THSD7A: variants seen among roughly 807,000 people sequenced by gnomAD.
THSD7A encodes the protein thrombospondin type-1 domain-containing protein 7A.
THSD7A carries 96 observed loss-of-function variants against 231.3 expected under a neutral mutation model. That is an observed-to-expected ratio of 0.41 (90% CI 0.35 to 0.49). The LOEUF is 0.49. Among genes scored for constraint, THSD7A ranks in the 20% least tolerant of loss-of-function variants. THSD7A has a pLI of 0.05. For missense variants in THSD7A, 2,290 were observed against 2,070.2 expected, an observed-to-expected ratio of 1.11 and a Z score of -2.06; for synonymous variants, 940 against 743.3, an observed-to-expected ratio of 1.26 and a Z score of -4.30.
intron 1 of THSD7A, among the ~76,000 whole-genome samples, chr7:11,750,076 AT>A (rs1782447929): frequency 6.6e-6 from 1 of 151,088 alleles, no homozygotes; most frequent in African/African-American, 2.4e-5. Context: ...GCAGGGTGGA[AT>A]CCCTTCCCAG....
chr7:11,411,127 C>T lies in THSD7A; in HGVS notation c.3798+80G>A, dbSNP rs912380246. 1.9e-6 allele frequency: 2 copies of T among 1,025,778 alleles called. No homozygotes were observed. The highest frequency in any genetic ancestry group is 3.1e-5 in the African/African-American group (2 of 63,662). 63.5% of individuals were successfully genotyped at this position (1,025,778 alleles called of 1,614,324 possible). On this transcript the variant is annotated intron_variant, in intron 19 of 27. Coordinates refer to ENST00000423059, the MANE Select transcript of THSD7A (RefSeq NM_015204.3). The surrounding 1 kb of genome is among the most constrained non-coding windows in gnomAD (Gnocchi z 4.1). ...TCTGCTGGCAATGAGCTGCATGGAGCACGGGTCACTTGGCTCAGCATGAAT... is the reference window on the plus strand; with the variant it reads ...TCTGCTGGCAATGAGCTGCATGGAGTACGGGTCACTTGGCTCAGCATGAAT...
chr7:11,476,162 A>T (rs1340405233), intron 7 of THSD7A, among the ~76,000 whole-genome samples: 3 of 152,118 alleles, frequency 2.0e-5, no homozygotes, highest in African/African-American at 7.2e-5. Flanking sequence ...TGCCAGGCTT[A>T]AGTATTAAAA....
At chr7:11,456,617 T>C (rs908673610) in intron 11 of THSD7A, among the ~76,000 whole-genome samples, 3 of 152,122 alleles carry the variant, frequency 2.0e-5, no homozygotes, top group African/African-American at 2.4e-5. Context: ...TGGGTTTAGA[T>C]CAAGGGTCAG....
In THSD7A at chr7:11,481,885, C is replaced by A; in HGVS notation, c.1920G>T (p.Trp640Cys). 1 of 1,613,776 alleles carries A rather than the reference C, an allele frequency of 6.2e-7. No homozygotes were observed. ...PCPKDCVLST[W>C]STWSSCSHTC... Reference sequence around the variant, plus strand: ...TGTGTGAGCAGGAGGACCACGTAGACCATGTGCTGAGCACACAGTCTTTCG... The same window carrying A: ...TGTGTGAGCAGGAGGACCACGTAGAACATGTGCTGAGCACACAGTCTTTCG... Residue 640 changes from tryptophan (W) to cysteine (C), a missense_variant, in exon 7 of 28, where the codon TGG becomes TGT. Physicochemically the swap from Trp to Cys is radical, Grantham distance 215. Coordinates refer to ENST00000423059, the MANE Select transcript of THSD7A (RefSeq NM_015204.3).
intron 24 of THSD7A, among the ~76,000 whole-genome samples, chr7:11,381,874 A>G (rs899782042): frequency 6.6e-6 from 1 of 152,132 alleles, no homozygotes; most frequent in Non-Finnish European, 1.5e-5. Flanking sequence ...GGCTTTTAGT[A>G]ATTCCACACT....
chr7:11,437,060 A>C (rs1344401554), intron 13 of THSD7A, among the ~76,000 whole-genome samples: 1 of 152,130 alleles, frequency 6.6e-6, no homozygotes, highest in African/African-American at 2.4e-5. Flanking sequence ...GCAATAGAAC[A>C]CTTTATTCCT....
chr7:11,712,096 G>GA (rs1018909897), intron 1 of THSD7A, among the ~76,000 whole-genome samples: 1 of 150,900 alleles, frequency 6.6e-6, no homozygotes, highest in African/African-American at 2.4e-5. Flanking sequence ...ATATGAATAG[G>GA]AAAAAACTAG....
chr7:11,819,550 A>G (rs1263124541), intron 1 of THSD7A, among the ~76,000 whole-genome samples: 1 of 152,200 alleles, frequency 6.6e-6, no homozygotes, highest in African/African-American at 2.4e-5. Context: ...TGCTAGTGAA[A>G]GATGCCCAAC....
At chr7:11,660,653 T>A (rs1782892861) in intron 1 of THSD7A, among the ~76,000 whole-genome samples, 1 of 151,508 alleles carries the variant, frequency 6.6e-6, no homozygotes, top group African/African-American at 2.4e-5. Context: ...TGATTAATTT[T>A]TGTTTGAAAG....
rs1252591747 is a variant in THSD7A, at chr7:11,371,410, C to A, written c.*4384G>T. The A allele has an allele frequency of 6.6e-6, 1 of 152,222 alleles. No individual in the cohort carries two copies. Among genetic ancestry groups the A allele is most frequent in the Non-Finnish European group, 1.5e-5 (1 of 68,038 alleles). The allele number at this position is 152,222 out of a possible 1,614,324, so 9.4% of individuals were successfully genotyped here. On this transcript the variant is annotated 3_prime_UTR_variant, in exon 28 of 28. Coordinates refer to ENST00000423059, the MANE Select transcript of THSD7A (RefSeq NM_015204.3). Reference sequence around the variant, plus strand: ...ACTAAACTAGTCCCAGGAAAGATCACATTCTGACAAGATTCCTCACAGATT... The same window carrying A: ...ACTAAACTAGTCCCAGGAAAGATCAAATTCTGACAAGATTCCTCACAGATT...
At chr7:11,597,493 A>G (rs1780405773) in intron 2 of THSD7A, among the ~76,000 whole-genome samples, 1 of 152,088 alleles carries the variant, frequency 6.6e-6, no homozygotes, top group African/African-American at 2.4e-5. Flanking sequence ...CCCATATCCA[A>G]TGGTGATTGA....
chr7:11,464,369 T>A (rs1465401200), intron 9 of THSD7A, among the ~76,000 whole-genome samples: 1 of 151,994 alleles, frequency 6.6e-6, no homozygotes, highest in African/African-American at 2.4e-5. Context: ...ACCAGGGGAT[T>A]TGGGGGCTGG....
chr7:11,825,019 A>G (rs896714291), intron 1 of THSD7A, among the ~76,000 whole-genome samples: 7 of 152,058 alleles, frequency 4.6e-5, no homozygotes, highest in Admixed American at 3.9e-4. Context: ...GTGCCAAACT[A>G]ATAAAAAATA....
chr7:11,470,717 A>T (rs538844417), intron 8 of THSD7A, among the ~76,000 whole-genome samples: 1 of 151,890 alleles, frequency 6.6e-6, no homozygotes, highest in African/African-American at 2.4e-5. Flanking sequence ...AAAACAGTGA[A>T]GATAAATAAA....
intron 15 of THSD7A, 85 bp downstream of exon 15, chr7:11,426,581 C>T: frequency 7.3e-7 from 1 of 1,363,910 alleles, no homozygotes; most frequent in Non-Finnish European, 9.8e-7. Flanking sequence ...AAAGACAAAG[C>T]AAGAAGAGAA....
intron 4 of THSD7A, among the ~76,000 whole-genome samples, chr7:11,549,794 A>C (rs1309348830): frequency 6.6e-6 from 1 of 152,064 alleles, no homozygotes; most frequent in Non-Finnish European, 1.5e-5. Context: ...GGGGAGCATC[A>C]GGAAAAATAT....
chr7:11,588,884 T>C (rs1250900101), intron 4 of THSD7A, among the ~76,000 whole-genome samples: 1 of 152,254 alleles, frequency 6.6e-6, no homozygotes, highest in Non-Finnish European at 1.5e-5. Flanking sequence ...AACCTCAAGA[T>C]ACATTAGTAG....
intron 4 of THSD7A, among the ~76,000 whole-genome samples, chr7:11,578,608 T>C (rs564431661): frequency 6.6e-6 from 1 of 152,268 alleles, no homozygotes; most frequent in Admixed American, 6.5e-5. Context: ...TATAATCATA[T>C]GAAATCAAAT....
At chr7:11,413,184 A>T (rs768582138) in intron 17 of THSD7A, among the ~76,000 whole-genome samples, 21 of 152,050 alleles carry the variant, frequency 1.4e-4, no homozygotes, top group Non-Finnish European at 2.9e-4. Flanking sequence ...TTTTAAGAAT[A>T]ACTTTAAATG....
Sources: gnomAD v4.1 joint callset for allele counts (sites outside exome capture counted in the v4.1 genomes callset) on GRCh38, gnomAD v4.1.1 for gene constraint, Gnocchi (gnomAD v3.1) non-coding constraint, MANE v1.5 for transcripts, NCBI Gene and HGNC (gene_info 2026-07-23, HGNC 2026-07-21) for gene names.